The following PIKFYVE variants were observed in gnomAD, a reference collection of about 807,000 sequenced individuals.
PIKFYVE encodes the protein 1-phosphatidylinositol 3-phosphate 5-kinase.
In PIKFYVE, 122 loss-of-function variants were observed where a neutral mutation model predicts 257.9. The observed-to-expected ratio is 0.47, with a 90% CI of 0.41 to 0.55. The LOEUF is 0.55. PIKFYVE is among the 20% of genes least tolerant of loss of function. The pLI is 0.00. For synonymous variants in PIKFYVE, 892 were observed against 868.9 expected (o/e 1.03, Z -0.47); for missense variants, 2,160 against 2,536.6 (o/e 0.85, Z 3.19).
At chr2:208,329,721 C>T (rs1697299673) in intron 21 of PIKFYVE, 121 bp from the exon 22 acceptor site, 10 of 1,475,260 alleles carry the variant, frequency 6.8e-6, no homozygotes, top group Non-Finnish European at 8.2e-6. Flanking sequence ...AAGAACATTA[C>T]CTCCTTTCAT....
rs570999302 is a variant in PIKFYVE at position 208,336,162 on chromosome 2, A to G, written c.4482A>G (p.Lys1494=). 30 of 1,613,958 alleles carry G rather than the reference A, an allele frequency of 1.9e-5. No individual in the cohort carries two copies. Among genetic ancestry groups the G allele is most frequent in the Non-Finnish European group, 2.5e-5 (30 of 1,179,970 alleles). ...TCTTTGAGTCACTCATTGCCAAGAAACAAAGTCTCTGTGAAGTGCTGCAAG... is the reference window on the plus strand; with the variant it reads ...TCTTTGAGTCACTCATTGCCAAGAAGCAAAGTCTCTGTGAAGTGCTGCAAG... The part of the protein sequence containing the change: ...QSVFESLIAK[K]QSLCEVLQAW... Residue 1494 remains lysine, a synonymous_variant, in exon 27 of 42, where the codon AAA becomes AAG. Transcript: ENST00000264380.
intron 3 of PIKFYVE, chr2:208,274,086 C>G (rs1689782395): frequency 1.2e-6 from 2 of 1,602,310 alleles, no homozygotes; most frequent in Non-Finnish European, 1.7e-6. Context: ...AATTCTGCAT[C>G]TGTTCTTGGG....
chr2:208,339,890 A>G (rs893423453), intron 30 of PIKFYVE, 121 bp from the exon 31 acceptor site: 1 of 1,184,656 alleles, frequency 8.4e-7, no homozygotes, highest in Non-Finnish European at 1.2e-6. Flanking sequence ...AGAAATTTTA[A>G]ACTGTTATTG....
intron 17 of PIKFYVE, among the ~76,000 whole-genome samples, chr2:208,323,006 C>G (rs1251330510): frequency 6.6e-6 from 1 of 151,308 alleles, no homozygotes; most frequent in Non-Finnish European, 1.5e-5. Flanking sequence ...TCATCCATGT[C>G]CCTACAAAGG....
chr2:208,354,547 A>G (rs1700040730), intron 40 of PIKFYVE, 24 bp from the exon 41 acceptor site: 1 of 1,565,520 alleles, frequency 6.4e-7, no homozygotes, highest in Non-Finnish European at 8.8e-7. Context: ...CTTTATTGCT[A>G]ATTTCACTCC....
chr2:208,308,431 T>G (rs1357609642), intron 12 of PIKFYVE, among the ~76,000 whole-genome samples: 1 of 151,940 alleles, frequency 6.6e-6, no homozygotes, highest in Non-Finnish European at 1.5e-5. Flanking sequence ...TCCATATTAT[T>G]CTTAGTGGTG....
intron 38 of PIKFYVE, among the ~76,000 whole-genome samples, chr2:208,352,391 G>T (rs1284290861): frequency 6.6e-6 from 1 of 152,014 alleles, no homozygotes; most frequent in African/African-American, 2.4e-5. Context: ...CGTAGTATTG[G>T]GGGAAATTAC....
chr2:208,325,358 G>A lies in PIKFYVE; in HGVS notation c.2547G>A (p.Leu849=). The A allele has an allele frequency of 1.9e-6, 3 of 1,614,022 alleles. No individual in the cohort carries two copies. Among genetic ancestry groups the A allele is most frequent in the Middle Eastern group, 1.7e-4 (1 of 6,058 alleles). Residue 849 remains leucine, a synonymous_variant, in exon 20 of 42, where the codon CTG becomes CTA. Transcript: ENST00000264380. The part of the protein sequence containing the change: ...IKLRGGSDYE[L]ARVKEILIFM... ...TAAGAGGAGGCTCTGATTATGAGCT[G>A]GCTCGAGTTAAGGAGATCCTAATAT...
At chr2:208,334,780 G>T (rs1049975910) in intron 24 of PIKFYVE, among the ~76,000 whole-genome samples, 1 of 152,206 alleles carries the variant, frequency 6.6e-6, no homozygotes, top group Non-Finnish European at 1.5e-5. Flanking sequence ...ACCTAAAACA[G>T]TGTCTGGCAC....
intron 35 of PIKFYVE, among the ~76,000 whole-genome samples, chr2:208,348,587 C>CA (rs1212538645): frequency 3.0e-5 from 3 of 98,856 alleles, no homozygotes; most frequent in Non-Finnish European, 4.3e-5. Context: ...CTGTCTCTAC[C>CA]AAAAAAAAAA....
chr2:208,309,113 TAGG>T (rs1694680579), intron 12 of PIKFYVE, among the ~76,000 whole-genome samples: 1 of 152,214 alleles, frequency 6.6e-6, no homozygotes, highest in Non-Finnish European at 1.5e-5. Flanking sequence ...GGTTATGTTA[TAGG>T]GACTTGACTC....
At chr2:208,274,965 A>G (rs559012599) in intron 3 of PIKFYVE, among the ~76,000 whole-genome samples, 4 of 152,282 alleles carry the variant, frequency 2.6e-5, no homozygotes, top group Middle Eastern at 3.4e-3. Flanking sequence ...TGCCATTGGT[A>G]TTATGATCAA....
chr2:208,313,765 C>T (rs1295816050), intron 13 of PIKFYVE, among the ~76,000 whole-genome samples: 1 of 151,842 alleles, frequency 6.6e-6, no homozygotes, highest in African/African-American at 2.4e-5. Flanking sequence ...GTGTTTTTAG[C>T]AGAGATGGAG....
At chr2:208,312,013 A>T (rs1379656833) in intron 12 of PIKFYVE, among the ~76,000 whole-genome samples, 5 of 152,158 alleles carry the variant, frequency 3.3e-5, no homozygotes, top group Non-Finnish European at 7.4e-5. Context: ...TCACGGCTCT[A>T]TTGTGTTATT....
At chr2:208,283,453 T>C (rs1387346975) in intron 5 of PIKFYVE, among the ~76,000 whole-genome samples, 1 of 152,264 alleles carries the variant, frequency 6.6e-6, no homozygotes, top group Non-Finnish European at 1.5e-5. Context: ...CTCTGTTTAT[T>C]GATTTTACAA....
In PIKFYVE at chr2:208,285,826, TTCTGCTTGC is replaced by T. The variant is rs779655544; in HGVS notation, c.719_727del (p.Ala240_Ser242del). ...GGGAAGACTTGAATGCTCTTTCAGA[TTCTGCTTGC>T]TCTGTGTCTGTGCTTGATCCAAGTG... On this transcript the variant is annotated inframe_deletion, in exon 6 of 42. Transcript: ENST00000264380. The T allele has an allele frequency of 2.5e-6, 4 of 1,614,100 alleles. No individual in the cohort carries two copies. The highest frequency in any genetic ancestry group is 3.4e-6 in the Non-Finnish European group (4 of 1,179,960).
At position 208,355,302 on chromosome 2, in the gene PIKFYVE, C is replaced by A. The variant is rs1700101138; in HGVS notation, c.6294C>A (p.Cys2098Ter). ...PDHWTGLGLN[C>*] ...ACTGGACAGGCTTGGGTCTGAATTG[C>A]TGAAATCAAGCACATATTTTGAAAT... Residue 2098 changes from cysteine (C) to a stop codon, truncating the protein, a stop_gained, in exon 42 of 42, where the codon TGC becomes TGA. Coordinates refer to ENST00000264380, the MANE Select transcript of PIKFYVE (RefSeq NM_015040.4). LOFTEE classifies it high-confidence loss of function. 1 of 1,610,412 alleles carries A rather than the reference C, an allele frequency of 6.2e-7. No individual in the cohort carries two copies. The highest frequency in any genetic ancestry group is 8.5e-7 in the Non-Finnish European group (1 of 1,176,756).
Position 208,325,961 on chromosome 2 carries a change from A to G in PIKFYVE, c.3150A>G (p.Lys1050=). ...CTTTGGCCTTTAAGCAGGAATTAAA[A>G]GATGTGATCCTCTGTATCTCCCCAG... is the stretch of plus-strand genomic sequence containing the variant. The part of the protein sequence containing the change: ...TYSLAFKQEL[K]DVILCISPVI... Residue 1050 remains lysine, a synonymous_variant, in exon 20 of 42, where the codon AAA becomes AAG. Transcript: ENST00000264380. 6.2e-7 allele frequency: 1 copy of G among 1,614,092 alleles called. No individual in the cohort carries two copies. The highest frequency in any genetic ancestry group is 1.1e-5 in the South Asian group (1 of 91,086).
chr2:208,342,994 C>T (rs1353117128), intron 32 of PIKFYVE, among the ~76,000 whole-genome samples: 1 of 151,882 alleles, frequency 6.6e-6, no homozygotes, highest in African/African-American at 2.4e-5. Flanking sequence ...GGGGTTTCAC[C>T]ATAATGGTTG....
Sources: gnomAD v4.1 joint callset for allele counts (sites outside exome capture counted in the v4.1 genomes callset) on GRCh38, gnomAD v4.1.1 for gene constraint, MANE v1.5 for transcripts, NCBI Gene and HGNC (gene_info 2026-07-23, HGNC 2026-07-21) for gene names.